The following VSTM2L variants were observed in gnomAD, a reference collection of about 807,000 sequenced individuals.
VSTM2L encodes V-set and transmembrane domain containing 2 like, also known as V-set and transmembrane domain-containing protein 2-like protein.
A neutral mutation model predicts 19.9 loss-of-function variants in VSTM2L; 9 were observed. The ratio of observed to expected loss-of-function variants is 0.45; its 90% CI spans 0.27 to 0.79. The LOEUF (loss-of-function observed/expected upper bound fraction) is 0.79, where lower values mean the gene tolerates loss of function less well. Ranked by LOEUF, VSTM2L falls within the 30% of genes least tolerant of loss-of-function variation. The pLI is 0.15. For missense variants in VSTM2L, 286 were observed against 295.5 expected (o/e 0.97, Z 0.24); for synonymous variants, 127 against 133.8 (o/e 0.95, Z 0.35).
chr20:37,914,334 G>A (rs2072799332), intron 1 of VSTM2L, among the ~76,000 whole-genome samples: 1 of 149,472 alleles, frequency 6.7e-6, no homozygotes, highest in Non-Finnish European at 1.5e-5. Flanking sequence ...GTGGGGTATG[G>A]GTGTATGTGT....
In VSTM2L at chr20:37,942,526, G is replaced by A. The variant is rs554184308; in HGVS notation, c.343-1455G>A. On this transcript the variant is annotated intron_variant, in intron 3 of 3. Transcript: ENST00000373461. ...GGCAGCAACATGGAGAAATCTCACC[G>A]ATAACAGGTTGTGTCGAAAAAGCCA... is the stretch of plus-strand genomic sequence containing the variant. Among the ~76,000 whole-genome samples the A allele has an allele frequency of 4.6e-5, 7 of 152,222 alleles. No individual in the cohort carries two copies. The South Asian group carries it at 8.3e-4, about 18-fold the overall frequency.
At chr20:37,937,099 C>T (rs1405618218) in intron 3 of VSTM2L, among the ~76,000 whole-genome samples, 1 of 152,052 alleles carries the variant, frequency 6.6e-6, no homozygotes, top group Non-Finnish European at 1.5e-5. Context: ...TGCACGCCTG[C>T]AGTCCCAGAT....
intron 3 of VSTM2L, among the ~76,000 whole-genome samples, chr20:37,933,950 C>T (rs2072925305): frequency 1.3e-5 from 2 of 152,220 alleles, no homozygotes; most frequent in Admixed American, 1.3e-4. Context: ...CTGAGTGTTA[C>T]GCCATCTCAG....
At position 37,944,400 on chromosome 20, in the gene VSTM2L, A is replaced by C; in HGVS notation, c.*147A>C. The C allele has an allele frequency of 4.8e-6, 6 of 1,250,374 alleles. No homozygotes were observed. Among genetic ancestry groups the C allele is most frequent in the South Asian group, 2.2e-5 (1 of 44,754 alleles). The allele number at this position is 1,250,374 out of a possible 1,614,324, so 77.5% of individuals were successfully genotyped here. ...CCACCATGTCGGCCCTCTTTCCACC[A>C]CCCCTTGCTCAGCATGTAAGCCCCA... On this transcript the variant is annotated 3_prime_UTR_variant, in exon 4 of 4. Transcript: ENST00000373461.
At chr20:37,919,398 G>A (rs2122952552) in intron 1 of VSTM2L, among the ~76,000 whole-genome samples, 1 of 152,364 alleles carries the variant, frequency 6.6e-6, no homozygotes, top group Non-Finnish European at 1.5e-5. Context: ...GAACCCTCGG[G>A]TGCCTCCCTG....
At chr20:37,938,491 G>A (rs554175474) in intron 3 of VSTM2L, among the ~76,000 whole-genome samples, 1 of 152,330 alleles carries the variant, frequency 6.6e-6, no homozygotes, top group South Asian at 2.1e-4. Context: ...TGAAGGCAAG[G>A]GTTGGCATCA....
In VSTM2L at chr20:37,944,028, C is replaced by T. The variant is rs2072990725; in HGVS notation, c.390C>T (p.Ser130=). 1.9e-6 allele frequency: 3 copies of T among 1,608,058 alleles called. No homozygotes were observed. The highest frequency in any genetic ancestry group is 1.3e-5 in the African/African-American group (1 of 74,842). ...GSNISHKLRL[S]RVKPTDEGTY... is the part of the protein sequence containing the mutation. ...ACATCTCCCACAAGCTGCGCCTGTC[C>T]CGGGTGAAGCCCACGGACGAAGGCA... Residue 130 remains serine, a synonymous_variant, in exon 4 of 4, where the codon TCC becomes TCT. Coordinates refer to ENST00000373461, the MANE Select transcript of VSTM2L (RefSeq NM_080607.3).
chr20:37,915,642 G>A (rs1037015244), intron 1 of VSTM2L, among the ~76,000 whole-genome samples: 2 of 152,034 alleles, frequency 1.3e-5, no homozygotes, highest in Non-Finnish European at 2.9e-5. Context: ...GTGCAGTTGG[G>A]TTGAAATCCA....
At chr20:37,905,941 T>C (rs2072749810) in intron 1 of VSTM2L, among the ~76,000 whole-genome samples, 1 of 151,736 alleles carries the variant, frequency 6.6e-6, no homozygotes, top group Non-Finnish European at 1.5e-5. Context: ...AGCTCAGAAA[T>C]TGCTGTTTAG....
At position 37,943,964 on chromosome 20, in the gene VSTM2L, C is replaced by T; in HGVS notation, c.343-17C>T. The T allele has an allele frequency of 8.1e-7, 1 of 1,229,002 alleles. No individual in the cohort carries two copies. The highest frequency in any genetic ancestry group is 1.1e-6 in the Non-Finnish European group (1 of 943,618). 76.1% of individuals were successfully genotyped at this position (1,229,002 alleles called of 1,614,324 possible). On this transcript the variant is annotated splice_polypyrimidine_tract_variant and intron_variant, in intron 3 of 3. Transcript: ENST00000373461. ...TGTCACTGGATGGACAGGTCACGGT[C>T]TCTCTGTCACCCCCAGGTGGTCAAG... is the stretch of plus-strand genomic sequence containing the variant.
At position 37,931,744 on chromosome 20, in the gene VSTM2L, G is replaced by A; in HGVS notation, c.231G>A (p.Gln77=). 1 of 1,613,934 alleles carries A rather than the reference G, an allele frequency of 6.2e-7. No individual in the cohort carries two copies. Residue 77 remains glutamine, a synonymous_variant, in exon 2 of 4, where the codon CAG becomes CAA. Transcript: ENST00000373461. ...CCCCCTCCTACTCGCTGGAGATCCAGTGGTGGTATGTACGGAGCCACCGGG... is the reference window on the plus strand; with the variant it reads ...CCCCCTCCTACTCGCTGGAGATCCAATGGTGGTATGTACGGAGCCACCGGG... The part of the protein sequence containing the change: ...SGSPSYSLEI[Q]WWYVRSHRDW...
intron 1 of VSTM2L, among the ~76,000 whole-genome samples, chr20:37,930,580 T>G (rs1228819782): frequency 6.6e-6 from 1 of 152,086 alleles, no homozygotes; most frequent in East Asian, 1.9e-4. Context: ...CAATATTTGT[T>G]TGGGGAGACG....
rs527371156 is a variant in VSTM2L, at chr20:37,925,334, T to C, written c.122-6301T>C. Among the ~76,000 whole-genome samples the C allele has an allele frequency of 1.1e-3, 163 of 152,232 alleles. 1 individual carries two copies. Among genetic ancestry groups the C allele is most frequent in the African/African-American group, 2.6e-3 (108 of 41,550 alleles). Reference sequence around the variant, plus strand: ...ACTTTCTCCTTCTGATGATCTGAGCTGGTGGGGCTCTCAGGACCATCAGGA... The same window carrying C: ...ACTTTCTCCTTCTGATGATCTGAGCCGGTGGGGCTCTCAGGACCATCAGGA... On this transcript the variant is annotated intron_variant, in intron 1 of 3. Coordinates refer to ENST00000373461, the MANE Select transcript of VSTM2L (RefSeq NM_080607.3).
At chr20:37,914,325 T>G (rs1375802770) in intron 1 of VSTM2L, among the ~76,000 whole-genome samples, 5 of 149,598 alleles carry the variant, frequency 3.3e-5, no homozygotes, top group Non-Finnish European at 5.9e-5. Flanking sequence ...TGTATGTGTG[T>G]GGGGTATGGG....
intron 3 of VSTM2L, among the ~76,000 whole-genome samples, chr20:37,936,116 G>A (rs202011470): frequency 1.3e-5 from 2 of 149,620 alleles, no homozygotes; most frequent in Non-Finnish European, 1.5e-5. Context: ...GGCTGGTCTC[G>A]AACTACTGAC....
chr20:37,936,717 G>C (rs1334131545), intron 3 of VSTM2L, among the ~76,000 whole-genome samples: 1 of 152,150 alleles, frequency 6.6e-6, no homozygotes, highest in Non-Finnish European at 1.5e-5. Flanking sequence ...GCTGAGTCCT[G>C]GTTCCAGCTC....
chr20:37,924,413 C>T (rs62201730), intron 1 of VSTM2L, among the ~76,000 whole-genome samples: 30,755 of 149,214 alleles, frequency 0.21, 3,209 homozygotes, highest in Middle Eastern at 0.32. Context: ...ATTAGCTGGG[C>T]GTGGTGACGT....
Position 37,944,649 on chromosome 20 carries a change from C to T in VSTM2L, c.*396C>T. 1 of 1,014,362 alleles carries T rather than the reference C, an allele frequency of 9.9e-7. No individual in the cohort carries two copies. The highest frequency in any genetic ancestry group is 1.2e-6 in the Non-Finnish European group (1 of 849,942). 62.8% of individuals were successfully genotyped at this position (1,014,362 alleles called of 1,614,324 possible). On this transcript the variant is annotated 3_prime_UTR_variant, in exon 4 of 4. Transcript: ENST00000373461. ...CCCCAGCCTCGCCTCCCTCCTCCTA[C>T]CATCCCTCACTTGGACCTGGGGGTG...
At chr20:37,929,066 C>T (rs780529062) in intron 1 of VSTM2L, among the ~76,000 whole-genome samples, 5 of 152,224 alleles carry the variant, frequency 3.3e-5, no homozygotes, top group African/African-American at 4.8e-5. Context: ...CTGATGATGG[C>T]GTTGGAGGGA....
Sources: gnomAD v4.1 joint callset for allele counts (sites outside exome capture counted in the v4.1 genomes callset) on GRCh38, gnomAD v4.1.1 for gene constraint, MANE v1.5 for transcripts, NCBI Gene and HGNC (gene_info 2026-07-23, HGNC 2026-07-21) for gene names.